Variants in ERG observed in about 807,000 individuals in gnomAD.
ERG encodes the protein ETS transcription factor ERG.
In ERG, 9 loss-of-function variants were observed where a neutral mutation model predicts 55.3. The ratio of observed to expected loss-of-function variants is 0.16; its 90% CI spans 0.10 to 0.28. The LOEUF (loss-of-function observed/expected upper bound fraction) is 0.28, where lower values mean the gene tolerates loss of function less well. ERG is among the 10% of genes least tolerant of loss of function. The probability of loss-of-function intolerance (pLI) is 1.00; values close to 1 mark genes in which losing one functional copy is unlikely to be tolerated. For missense variants in ERG, 434 were observed against 631.6 expected, an observed-to-expected ratio of 0.69 and a Z score of 3.35; for synonymous variants, 223 against 237.3, an observed-to-expected ratio of 0.94 and a Z score of 0.55.
intron 1 of ERG, among the ~76,000 whole-genome samples, chr21:38,464,672 C>T (rs1487409545): frequency 6.6e-6 from 1 of 151,782 alleles, no homozygotes; most frequent in Non-Finnish European, 1.5e-5. Flanking sequence ...CCCATCAACC[C>T]ATCATCTACA....
In ERG at chr21:38,531,878, C is replaced by T. The variant is rs182047920; in HGVS notation, c.-41+43784G>A. The stretch of plus-strand genomic sequence containing the variant: ...ATTCAGACAGAACCCAAGTGCAGTG[C>T]GTTACACAGAACCCAGGCCAGGAAA... On this transcript the variant is annotated intron_variant, in intron 2 of 8. Coordinates refer to the ERG transcript ENST00000398897. Among the ~76,000 whole-genome samples, 271 of 152,170 alleles carry T rather than the reference C, an allele frequency of 1.8e-3. 2 individuals carry two copies. The highest frequency in any genetic ancestry group is 6.4e-3 in the African/African-American group (266 of 41,506).
At chr21:38,577,456 C>T (rs959191180) in intron 1 of ERG, among the ~76,000 whole-genome samples, 1 of 152,068 alleles carries the variant, frequency 6.6e-6, no homozygotes, top group African/African-American at 2.4e-5. Context: ...CCCACCCCCA[C>T]CCCCAGGCCT....
intron 1 of ERG, among the ~76,000 whole-genome samples, chr21:38,606,856 GA>G: frequency 6.6e-6 from 1 of 152,150 alleles, no homozygotes. Flanking sequence ...CAGTGAAAAT[GA>G]GGGATAAAAA....
Position 38,382,341 on chromosome 21 carries a change from T to A in ERG, c.*1062A>T. ...CCCAAAATGCCTGCGTGATTTCTGA[T>A]TGTGGCAGCCAAGAAGGCCATCTCT... On this transcript the variant is annotated 3_prime_UTR_variant, in exon 10 of 10. Coordinates refer to ENST00000288319, the MANE Select transcript of ERG (RefSeq NM_182918.4). The A allele has an allele frequency of 9.4e-7, 1 of 1,058,478 alleles. No homozygotes were observed. The allele number at this position is 1,058,478 out of a possible 1,614,324, so 65.6% of individuals were successfully genotyped here.
intron 2 of ERG, among the ~76,000 whole-genome samples, chr21:38,509,014 C>T (rs2059491051): frequency 6.6e-6 from 1 of 152,196 alleles, no homozygotes; most frequent in Admixed American, 6.5e-5. Context: ...CCAGCATTAA[C>T]CCCCAGAGGT....
At chr21:38,542,196 G>A (rs1019853649) in intron 2 of ERG, among the ~76,000 whole-genome samples, 4 of 151,980 alleles carry the variant, frequency 2.6e-5, no homozygotes, top group Admixed American at 6.6e-5. Flanking sequence ...CACTGTGTTG[G>A]CCAGGCTGGT....
chr21:38,641,445 G>C (rs1283337095), intron 1 of ERG, among the ~76,000 whole-genome samples: 4 of 152,156 alleles, frequency 2.6e-5, no homozygotes, highest in Non-Finnish European at 5.9e-5. Context: ...CCAGTGTACA[G>C]TATTTTGTTA....
intron 1 of ERG, among the ~76,000 whole-genome samples, chr21:38,455,163 T>C (rs1173831896): frequency 1.3e-5 from 2 of 151,688 alleles, no homozygotes; most frequent in Non-Finnish European, 2.9e-5. Context: ...ACAAAGTTGA[T>C]AGCCCTCAAA....
In ERG at chr21:38,543,977, T is replaced by C. The variant is rs1054171096; in HGVS notation, c.-41+31685A>G. Among the ~76,000 whole-genome samples the C allele has an allele frequency of 2.0e-5, 3 of 152,252 alleles. No homozygotes were observed. The East Asian group carries it at 5.8e-4, about 29-fold the overall frequency. On this transcript the variant is annotated intron_variant, in intron 2 of 8. Transcript: ENST00000398897. ...GTCGTCTCAAACTTCTGACCTCAAG[T>C]GATCTGCCTGCCTTGACCTCCGAAA...
At chr21:38,429,514 T>G (rs1196119129) in intron 2 of ERG, among the ~76,000 whole-genome samples, 1 of 133,316 alleles carries the variant, frequency 7.5e-6, no homozygotes, top group African/African-American at 2.7e-5. Flanking sequence ...CATATGTGTA[T>G]ATACATGTAT....
chr21:38,516,225 A>G (rs1338766343), intron 2 of ERG, among the ~76,000 whole-genome samples: 1 of 152,074 alleles, frequency 6.6e-6, no homozygotes, highest in Non-Finnish European at 1.5e-5. Context: ...TTACATCTAG[A>G]AAAACCTACA....
intron 1 of ERG, among the ~76,000 whole-genome samples, chr21:38,617,494 T>C (rs1293804752): frequency 6.6e-6 from 1 of 152,244 alleles, no homozygotes; most frequent in Non-Finnish European, 1.5e-5. Flanking sequence ...TTTTGTTTAA[T>C]AAATGCAAAA....
chr21:38,429,525 G>A (rs57689982), intron 2 of ERG, among the ~76,000 whole-genome samples: 22,995 of 25,226 alleles, frequency 0.91, 10,665 homozygotes, highest in East Asian at 0.96. Context: ...ATACATGTAT[G>A]CACATGTACA....
At chr21:38,438,648 C>T (rs2146539819) in intron 2 of ERG, among the ~76,000 whole-genome samples, 1 of 152,358 alleles carries the variant, frequency 6.6e-6, no homozygotes, top group East Asian at 1.9e-4. Context: ...TCTCGCTGCA[C>T]AGGCCCAGCT....
chr21:38,635,279 G>A (rs973648233), intron 1 of ERG, among the ~76,000 whole-genome samples: 5 of 152,002 alleles, frequency 3.3e-5, no homozygotes, highest in African/African-American at 1.2e-4. Context: ...TACTATAATA[G>A]TATAGCCTAC....
At chr21:38,646,279 T>TA (rs397969203) in intron 1 of ERG, among the ~76,000 whole-genome samples, 39,813 of 110,018 alleles carry the variant, frequency 0.36, 6,591 homozygotes, top group East Asian at 0.4. Flanking sequence ...AGTCTCTGTC[T>TA]AAAAAAAAAA....
At position 38,548,507 on chromosome 21, in the gene ERG, G is replaced by A. The variant is rs1407518860; in HGVS notation, c.-41+27155C>T. ...CTGTTGCCCAGGCTGGAGTGCAGTG[G>A]TGCGATCTCTGCTCACTGCAAGCTC... is the stretch of plus-strand genomic sequence containing the variant. On this transcript the variant is annotated intron_variant, in intron 2 of 8. Transcript: ENST00000398897. Among the ~76,000 whole-genome samples, 5 of 150,432 alleles carry A rather than the reference G, an allele frequency of 3.3e-5. No homozygotes were observed. The East Asian group carries it at 9.9e-4, about 30-fold the overall frequency.
chr21:38,424,187 G>GCTCTCTCTCTCTCTCT (rs1227355474), intron 2 of ERG, among the ~76,000 whole-genome samples: 5 of 110,078 alleles, frequency 4.5e-5, no homozygotes, highest in African/African-American at 1.3e-4. Flanking sequence ...CAGAGCTCGA[G>GCTCTCTCTCTCTCTCT]CTCTCTCTCT....
chr21:38,430,081 ATT>A (rs113562425), intron 2 of ERG, among the ~76,000 whole-genome samples: 1 of 149,772 alleles, frequency 6.7e-6, no homozygotes, highest in South Asian at 2.1e-4. Context: ...GCCAACATCT[ATT>A]TTTTTTTTAT....
Sources: allele counts gnomAD v4.1 joint callset (sites outside exome capture counted in the v4.1 genomes callset), GRCh38; gene constraint gnomAD v4.1.1; transcripts MANE v1.5; gene names NCBI Gene and HGNC (gene_info 2026-07-23, HGNC 2026-07-21).